Variants in APOL3 observed in about 807,000 individuals in gnomAD.
APOL3 encodes apolipoprotein L3, also known as TNF-inducible protein CG12-1.
APOL3 carries 14 observed loss-of-function variants against 11.6 expected under a neutral mutation model. That is an observed-to-expected ratio of 1.21 (90% CI 0.80 to 1.89). The LOEUF is 1.89. Among genes scored for constraint, APOL3 ranks in the 40% most tolerant of loss-of-function variants. The probability of loss-of-function intolerance (pLI) is 0.00; values close to 1 mark genes in which losing one functional copy is unlikely to be tolerated. For missense variants in APOL3, 483 were observed against 492.1 expected, an observed-to-expected ratio of 0.98 and a Z score of 0.17; for synonymous variants, 192 against 190.6, an observed-to-expected ratio of 1.01 and a Z score of -0.06.
At chr22:36,153,493 A>T (rs918557584) in intron 1 of APOL3, 2 of 437,592 alleles carry the variant, frequency 4.6e-6, no homozygotes, top group African/African-American at 4.0e-5. Context: ...ATCAGAGTGA[A>T]CTCCTATCTT....
chr22:36,149,485 C>T (rs2060349113), intron 1 of APOL3: 2 of 964,528 alleles, frequency 2.1e-6, no homozygotes, highest in South Asian at 2.8e-5. Flanking sequence ...CTGACAATGA[C>T]CTGGGCCTGG....
chr22:36,162,043 C>T (rs960976204), upstream of APOL3, among the ~76,000 whole-genome samples: 2 of 152,190 alleles, frequency 1.3e-5, no homozygotes, highest in Admixed American at 1.3e-4. Flanking sequence ...ACCCACATCC[C>T]GCATTCATGA....
chr22:36,158,038 AG>A (rs1168789279), intron 1 of APOL3, among the ~76,000 whole-genome samples: 3 of 152,132 alleles, frequency 2.0e-5, no homozygotes, highest in Admixed American at 2.0e-4. Context: ...CAACAAAGCC[AG>A]ACTCCATCTC....
intron 1 of APOL3, chr22:36,156,668 G>A (rs74773669): frequency 0.011 from 2,374 of 222,912 alleles, 19 homozygotes; most frequent in Non-Finnish European, 0.016. Flanking sequence ...CAGAGGCTCA[G>A]CCAAAGCTGC....
chr22:36,153,549 C>T, intron 1 of APOL3: 1 of 378,466 alleles, frequency 2.6e-6, no homozygotes, highest in Non-Finnish European at 5.4e-6. Context: ...AACATACGGG[C>T]TTCTTTTCCA....
At chr22:36,163,372 A>G (rs2013780304), upstream of APOL3, among the ~76,000 whole-genome samples, 1 of 152,134 alleles carries the variant, frequency 6.6e-6, no homozygotes, top group African/African-American at 2.4e-5. Flanking sequence ...CCTTTGGAGA[A>G]CTCCCCAAAT....
exon 1 of APOL3, chr22:36,165,956 G>A (rs562193318): frequency 4.6e-5 from 7 of 152,314 alleles, no homozygotes; most frequent in African/African-American, 1.4e-4. Context: ...GCCCACCTAA[G>A]TTTAGCCCCA....
intron 1 of APOL3, chr22:36,154,493 A>G (rs539822439): frequency 2.8e-6 from 1 of 351,082 alleles, no homozygotes; most frequent in South Asian, 2.0e-5. Context: ...TTTTAACAAG[A>G]AGAGCATCTT....
intron 2 of APOL3, among the ~76,000 whole-genome samples, chr22:36,144,476 A>G (rs1266496434): frequency 2.0e-5 from 3 of 152,144 alleles, no homozygotes; most frequent in Non-Finnish European, 4.4e-5. Flanking sequence ...CCAGTCTCCA[A>G]GACATAAAAC....
rs570977255 is a variant in APOL3, at chr22:36,143,128, C to A, written c.351-1070G>T. On this transcript the variant is annotated intron_variant, in intron 2 of 2. Transcript: ENST00000349314. The stretch of plus-strand genomic sequence containing the variant: ...TTGGGAGCTGGGCTCAGTCTCCCTC[C>A]CCTGTAACACAATCCTGAATAAAGG... 3.3e-3 allele frequency among the ~76,000 whole-genome samples: 336 copies of A among 101,760 alleles called. 1 individual carries two copies. The highest frequency in any genetic ancestry group is 7.2e-3 in the Middle Eastern group (1 of 138). The allele number at this position is 101,760 out of a possible 152,430, so 66.8% of individuals were successfully genotyped here. A position where few individuals can be genotyped will look rare whatever the true frequency, so the allele number is the denominator to read the frequency against.
chr22:36,156,799 G>A (rs766940133), intron 1 of APOL3: 33 of 358,428 alleles, frequency 9.2e-5, no homozygotes, highest in African/African-American at 2.8e-4. Context: ...CTGAGCATCC[G>A]GCAGGGACCC....
At chr22:36,149,234 C>G (rs576009041) in intron 1 of APOL3, 92 bp from the exon 2 acceptor site, 2 of 1,306,838 alleles carry the variant, frequency 1.5e-6, no homozygotes, top group African/African-American at 1.5e-5. Flanking sequence ...AATCCCTTTG[C>G]GTGTCAGCAA....
chr22:36,165,498 G>A (rs763007421), upstream of APOL3: 3 of 152,156 alleles, frequency 2.0e-5, no homozygotes, highest in African/African-American at 2.4e-5. Flanking sequence ...GGCTTTGACT[G>A]GTGGAAATTT....
chr22:36,149,172 T>C (rs1412371344), intron 1 of APOL3, 30 bp from the exon 2 acceptor site: 3 of 1,349,212 alleles, frequency 2.2e-6, no homozygotes, highest in Non-Finnish European at 3.0e-6. Flanking sequence ...ATTGTGGGAC[T>C]GAATGTGAGC....
chr22:36,141,462 G>A (rs1160813212), exon 3 of APOL3: 1 of 1,614,072 alleles, frequency 6.2e-7, no homozygotes, highest in African/African-American at 1.3e-5. Context: ...ACCACTTCCA[G>A]CTGAGATTCG....
At chr22:36,166,115 A>G (rs2013852627) in exon 1 of APOL3, 1 of 152,178 alleles carries the variant, frequency 6.6e-6, no homozygotes. Context: ...AGGTCACCCC[A>G]AGTTCATTAT....
At chr22:36,148,582 G>C (rs1478228339) in intron 1 of APOL3, among the ~76,000 whole-genome samples, 1 of 152,246 alleles carries the variant, frequency 6.6e-6, no homozygotes, top group Non-Finnish European at 1.5e-5. Context: ...ACTCAGAGCA[G>C]AGGGGCTGGT....
intron 1 of APOL3, among the ~76,000 whole-genome samples, chr22:36,147,475 T>C (rs2146790976): frequency 6.6e-6 from 1 of 152,314 alleles, no homozygotes; most frequent in Non-Finnish European, 1.5e-5. Context: ...AGCCAAGCCC[T>C]TCTGAAGGAT....
chr22:36,141,022 T>C lies in APOL3; in HGVS notation c.*178A>G, dbSNP rs1000507300. On this transcript the variant is annotated 3_prime_UTR_variant, in exon 3 of 3. Coordinates refer to ENST00000349314, the Ensembl canonical transcript of APOL3. ...TCCAGCATTCCTGCCTTCTCCTTGG[T>C]GCACTTGCCATCTGCATTAACCCCT... 3 of 847,372 alleles carry C rather than the reference T, an allele frequency of 3.5e-6. No homozygotes were observed. The Admixed American group carries it at 7.4e-5, about 21-fold the overall frequency. 52.5% of individuals were successfully genotyped at this position (847,372 alleles called of 1,614,324 possible).
Sources: allele counts gnomAD v4.1 joint callset (sites outside exome capture counted in the v4.1 genomes callset), GRCh38; gene constraint gnomAD v4.1.1; transcripts MANE v1.5; gene names NCBI Gene and HGNC (gene_info 2026-07-23, HGNC 2026-07-21).